Variants in FIS1 observed in about 807,000 individuals in gnomAD.
The protein encoded by FIS1 is fission, mitochondrial 1.
FIS1 carries 16 observed loss-of-function variants against 21.6 expected under a neutral mutation model. The ratio of observed to expected loss-of-function variants is 0.74; its 90% confidence interval spans 0.50 to 1.12. The LOEUF is 1.12. FIS1 is among the 50% of genes most tolerant of loss of function. The pLI is 0.00. For missense variants in FIS1, 198 were observed against 190.9 expected (o/e 1.04, Z -0.22); for synonymous variants, 92 against 82.2 (o/e 1.12, Z -0.65).
intron 2 of FIS1, among the ~76,000 whole-genome samples, chr7:101,243,788 C>T (rs1350125252): frequency 2.0e-5 from 3 of 152,160 alleles, no homozygotes; most frequent in Non-Finnish European, 4.4e-5. Context: ...AGTCACTTTC[C>T]CAGATCAAGA....
At chr7:101,240,392 A>C in intron 3 of FIS1, 145 bp from the exon 4 acceptor site, 1 of 741,800 alleles carries the variant, frequency 1.3e-6, no homozygotes, top group East Asian at 2.7e-5. Context: ...TCAAACTCCC[A>C]GGCTCAAGCA....
chr7:101,243,967 G>A, intron 2 of FIS1, 40 bp downstream of exon 2: 1 of 1,589,556 alleles, frequency 6.3e-7, no homozygotes, highest in Non-Finnish European at 8.6e-7. Context: ...TCGCAGAGCA[G>A]CCCAGATGGC....
At position 101,244,947 on chromosome 7, in the gene FIS1, G is replaced by A. The variant is rs764829741; in HGVS notation, c.45+13C>T. The A allele has an allele frequency of 6.2e-7, 1 of 1,613,856 alleles. No individual in the cohort carries two copies. Among genetic ancestry groups the A allele is most frequent in the African/African-American group, 1.3e-5 (1 of 74,942 alleles). ...CCGACCTTCCCTTTCCCTCTGTCCG[G>A]GCCAGGCCTCACCAGCAGGTCCTCC... On this transcript the variant is annotated intron_variant, in intron 1 of 4. Transcript: ENST00000223136.
Position 101,240,293 on chromosome 7 carries a change from T to G in FIS1, c.256-46A>C, listed in dbSNP as rs1410045164. The G allele has an allele frequency of 4.4e-6, 7 of 1,586,268 alleles. No homozygotes were observed. The Admixed American group carries it at 6.7e-5, about 15-fold the overall frequency. On this transcript the variant is annotated intron_variant, in intron 3 of 4. Transcript: ENST00000223136. ...ACGCGTCATACACACCGCAGTGTTT[T>G]TTTGTTTGTTTGTTTTTTAATAAGA...
intron 1 of FIS1, 67 bp downstream of exon 1, chr7:101,244,893 C>T (rs750117679): frequency 6.3e-7 from 1 of 1,592,238 alleles, no homozygotes; most frequent in African/African-American, 1.3e-5. Context: ...GGGTTCGGCC[C>T]CTACCTGACT....
chr7:101,239,743 G>T lies in FIS1; in HGVS notation c.*63C>A, dbSNP rs1798708914. On this transcript the variant is annotated 3_prime_UTR_variant, in exon 5 of 5. Transcript: ENST00000223136. ...GAGACGGGGGGCAGGGGGAGAACAG[G>T]GAAAGGACAGCGAGGATGGACAGGC... The T allele has an allele frequency of 7.2e-7, 1 of 1,385,160 alleles. No homozygotes were observed. The highest frequency in any genetic ancestry group is 1.0e-6 in the Non-Finnish European group (1 of 994,134). 85.8% of individuals were successfully genotyped at this position (1,385,160 alleles called of 1,614,324 possible).
chr7:101,244,822 G>C, intron 1 of FIS1, 138 bp downstream of exon 1: 2 of 1,029,038 alleles, frequency 1.9e-6, no homozygotes, highest in Admixed American at 4.2e-5. Context: ...GGAGCCAGGC[G>C]CTGTGGAGGC....
At chr7:101,240,439 C>T (rs1272561877) in intron 3 of FIS1, among the ~76,000 whole-genome samples, 192 bp from the exon 4 acceptor site, 1 of 152,192 alleles carries the variant, frequency 6.6e-6, no homozygotes. Flanking sequence ...GCCGGGATTA[C>T]AGGCGTGAGC....
intron 1 of FIS1, 129 bp downstream of exon 1, chr7:101,244,831 G>A (rs1174574540): frequency 8.7e-7 from 1 of 1,144,958 alleles, no homozygotes; most frequent in Non-Finnish European, 1.3e-6. Flanking sequence ...CGCTGTGGAG[G>A]CTGCCGGGAG....
intron 2 of FIS1, chr7:101,241,518 T>C (rs1314678952): frequency 1.3e-5 from 2 of 150,564 alleles, no homozygotes; most frequent in Non-Finnish European, 2.9e-5. Flanking sequence ...AACTGCCTGC[T>C]GTACAATTAT....
At chr7:101,240,782 G>A (rs775081392) in intron 3 of FIS1, 48 bp downstream of exon 3, 1 of 1,577,244 alleles carries the variant, frequency 6.3e-7, no homozygotes, top group East Asian at 2.2e-5. Flanking sequence ...CAGTAAGAAG[G>A]TCCTGCAGCC....
At chr7:101,241,064 T>C (rs746033784) in intron 2 of FIS1, 158 bp from the exon 3 acceptor site, 3 of 680,206 alleles carry the variant, frequency 4.4e-6, no homozygotes, top group East Asian at 2.7e-5. Context: ...CCCAGCACCC[T>C]AGCCAGAGCT....
chr7:101,244,281 G>A (rs1022836163), intron 1 of FIS1, 142 bp from the exon 2 acceptor site: 5 of 1,169,056 alleles, frequency 4.3e-6, no homozygotes, highest in Admixed American at 3.0e-5. Context: ...CTCCATGCCC[G>A]GGACCCAGGC....
At position 101,239,686 on chromosome 7, in the gene FIS1, G is replaced by A. The variant is rs1230657281; in HGVS notation, c.*120C>T. 3 of 820,742 alleles carry A rather than the reference G, an allele frequency of 3.7e-6. No homozygotes were observed. Among genetic ancestry groups the A allele is most frequent in the South Asian group, 1.4e-5 (1 of 69,118 alleles). 50.8% of individuals were successfully genotyped at this position (820,742 alleles called of 1,614,324 possible). ...TGGGGCTGAAGGACGAATCTCAGGGGAGCAGAAATTAGCTGAAGGCCACAG... is the reference window on the plus strand; with the variant it reads ...TGGGGCTGAAGGACGAATCTCAGGGAAGCAGAAATTAGCTGAAGGCCACAG... On this transcript the variant is annotated 3_prime_UTR_variant, in exon 5 of 5. Coordinates refer to ENST00000223136, the MANE Select transcript of FIS1 (RefSeq NM_016068.3).
At chr7:101,239,949 A>C (rs1584270252) in intron 4 of FIS1, 46 bp from the exon 5 acceptor site, 1 of 1,528,502 alleles carries the variant, frequency 6.5e-7, no homozygotes, top group Admixed American at 1.9e-5. Flanking sequence ...CCCTGCGGAA[A>C]CCCTGACCGT....
Position 101,245,071 on chromosome 7 carries a change from G to A in FIS1, c.-67C>T, listed in dbSNP as rs1413629242. The A allele has an allele frequency of 2.6e-6, 4 of 1,556,896 alleles. No homozygotes were observed. The African/African-American group carries it at 4.1e-5, about 16-fold the overall frequency. On this transcript the variant is annotated 5_prime_UTR_variant, in exon 1 of 5. Coordinates refer to ENST00000223136, the MANE Select transcript of FIS1 (RefSeq NM_016068.3). ...CACAGTCTCCATGGCCCAGTGGCAG[G>A]GGCGGAGAACCACTTCCGGCGTCCG...
rs1215021815 is a variant in FIS1, at chr7:101,240,252, G to A, written c.256-5C>T. 4.3e-6 allele frequency: 7 copies of A among 1,613,832 alleles called. No homozygotes were observed. Among genetic ancestry groups the A allele is most frequent in the Non-Finnish European group, 5.9e-6 (7 of 1,179,846 alleles). ...CTTTAAGGCCTTCTCGTATTCCTGC[G>A]CTCGGGGAAACGCGCACGCGTCATA... is the stretch of plus-strand genomic sequence containing the variant. On this transcript the variant is annotated splice_region_variant and splice_polypyrimidine_tract_variant and intron_variant, in intron 3 of 4. Transcript: ENST00000223136.
At position 101,239,828 on chromosome 7, in the gene FIS1, G is replaced by A; in HGVS notation, c.437C>T (p.Ala146Val). 3.8e-6 allele frequency: 6 copies of A among 1,596,408 alleles called. No homozygotes were observed. Among genetic ancestry groups the A allele is most frequent in the Non-Finnish European group, 5.1e-6 (6 of 1,171,266 alleles). ...CCTTCAGGATTTGGACTTGGACACA[G>A]CAAGTCCGATGAGTCCGGCCAGTCC... is the stretch of plus-strand genomic sequence containing the variant. ...VAGLAGLIGL[A>V]VSKSKS The change falls in exon 5 of 5, where the codon GCT becomes GTT. Residue 146 changes from alanine to valine, a missense_variant. Ala to Val is a moderately conservative substitution (Grantham distance 64, BLOSUM62 0). Coordinates refer to ENST00000223136, the MANE Select transcript of FIS1 (RefSeq NM_016068.3).
At chr7:101,243,949 G>C in intron 2 of FIS1, 58 bp downstream of exon 2, 1 of 1,558,418 alleles carries the variant, frequency 6.4e-7, no homozygotes, top group Non-Finnish European at 8.7e-7. Flanking sequence ...TGGACTACGG[G>C]GCCCACATCG....
Sources: allele counts gnomAD v4.1 joint callset (sites outside exome capture counted in the v4.1 genomes callset), GRCh38; gene constraint gnomAD v4.1.1; transcripts MANE v1.5; gene names NCBI Gene and HGNC (gene_info 2026-07-23, HGNC 2026-07-21).